The following ATP9B variants were observed in gnomAD, a reference collection of about 807,000 sequenced individuals.
The protein encoded by ATP9B is ATPase phospholipid transporting 9B.
In ATP9B, 110 loss-of-function variants were observed where a neutral mutation model predicts 146.1. The observed-to-expected ratio is 0.75, with a 90% CI of 0.65 to 0.88. The LOEUF is 0.88. ATP9B is among the 40% of genes least tolerant of loss of function. The probability of loss-of-function intolerance (pLI) is 0.00; values close to 1 mark genes in which losing one functional copy is unlikely to be tolerated. For synonymous variants in ATP9B, 604 were observed against 569.7 expected, an observed-to-expected ratio of 1.06 and a Z score of -0.86; for missense variants, 1,499 against 1,496.4, an observed-to-expected ratio of 1.00 and a Z score of -0.03.
intron 6 of ATP9B, among the ~76,000 whole-genome samples, chr18:79,154,041 C>T (rs1421049558): frequency 6.7e-6 from 1 of 149,500 alleles, no homozygotes; most frequent in East Asian, 2.0e-4. Flanking sequence ...TCACTACAAG[C>T]TCTGCCTCCC....
At chr18:79,097,250 G>A (rs2074866494) in intron 2 of ATP9B, among the ~76,000 whole-genome samples, 1 of 151,406 alleles carries the variant, frequency 6.6e-6, no homozygotes, top group Non-Finnish European at 1.5e-5. Context: ...TTTATAAATG[G>A]TTTTTCTTTT....
chr18:79,240,165 C>T (rs1599187528), intron 11 of ATP9B, among the ~76,000 whole-genome samples: 1 of 152,346 alleles, frequency 6.6e-6, no homozygotes, highest in Non-Finnish European at 1.5e-5. Context: ...ATATTCCCCT[C>T]TGTTAAGGGC....
intron 1 of ATP9B, among the ~76,000 whole-genome samples, chr18:79,084,382 A>G (rs1489542990): frequency 6.6e-6 from 1 of 152,048 alleles, no homozygotes; most frequent in African/African-American, 2.4e-5. Context: ...GGTAACTTAA[A>G]ATTTACCATT....
rs557847333 is a variant in ATP9B, at chr18:79,266,238, G to A, written c.1269-10816G>A. 2.8e-3 allele frequency among the ~76,000 whole-genome samples: 432 copies of A among 152,094 alleles called. 2 individuals are homozygous for A. The highest frequency in any genetic ancestry group is 9.3e-3 in the African/African-American group (388 of 41,504). On this transcript the variant is annotated intron_variant, in intron 12 of 29. Coordinates refer to ENST00000426216, the MANE Select transcript of ATP9B (RefSeq NM_198531.5). The stretch of plus-strand genomic sequence containing the variant: ...TACTTGGGATTTTTAAAATGATGTC[G>A]TAAATATCGTTCTTAAAGGAACCAT...
rs142453932 is a variant in ATP9B at position 79,070,377 on chromosome 18, G to A, written c.119+848G>A. Among the ~76,000 whole-genome samples, 221 of 152,332 alleles carry A rather than the reference G, an allele frequency of 1.5e-3. 3 individuals are homozygous for A. The highest frequency in any genetic ancestry group is 5.0e-3 in the African/African-American group (208 of 41,568). On this transcript the variant is annotated intron_variant, in intron 1 of 29. Coordinates refer to ENST00000426216, the MANE Select transcript of ATP9B (RefSeq NM_198531.5). ...GTACATACTGGAATGTTATAACGCT[G>A]ATTTGAGTGTTTACCCACTAGCGAT...
intron 1 of ATP9B, among the ~76,000 whole-genome samples, chr18:79,096,267 C>CT (rs1202700000): frequency 6.6e-6 from 1 of 152,172 alleles, no homozygotes; most frequent in African/African-American, 2.4e-5. Context: ...TTAACAGAGA[C>CT]TTCTTCAGCT....
chr18:79,218,256 T>G (rs867206385), intron 11 of ATP9B, among the ~76,000 whole-genome samples: 2 of 147,224 alleles, frequency 1.4e-5, no homozygotes, highest in Non-Finnish European at 3.0e-5. Context: ...AGCTCCTGCT[T>G]CTTGTCATAT....
intron 1 of ATP9B, among the ~76,000 whole-genome samples, chr18:79,092,133 A>G (rs950049125): frequency 2.0e-5 from 3 of 152,196 alleles, no homozygotes; most frequent in Non-Finnish European, 4.4e-5. Flanking sequence ...GTTCTGAGAA[A>G]TGTTAAATAC....
At chr18:79,151,315 G>T (rs556940254) in intron 6 of ATP9B, among the ~76,000 whole-genome samples, 2 of 152,286 alleles carry the variant, frequency 1.3e-5, no homozygotes, top group East Asian at 3.9e-4. Flanking sequence ...ATTTACCGAG[G>T]TGGGAGTGTG....
intron 1 of ATP9B, among the ~76,000 whole-genome samples, chr18:79,072,683 C>T (rs115721511): frequency 0.13 from 20,142 of 152,036 alleles, 1,943 homozygotes; most frequent in African/African-American, 0.27. Flanking sequence ...TGAGACAAGG[C>T]GGCTGCCGGG....
intron 13 of ATP9B, among the ~76,000 whole-genome samples, chr18:79,291,413 AT>A (rs1303441736): frequency 1.3e-5 from 2 of 152,238 alleles, no homozygotes; most frequent in Admixed American, 1.3e-4. Flanking sequence ...TTGAGGTAAG[AT>A]TTGAAAAATA....
At chr18:79,169,653 T>G (rs565188760) in intron 7 of ATP9B, among the ~76,000 whole-genome samples, 1 of 152,398 alleles carries the variant, frequency 6.6e-6, no homozygotes, top group Admixed American at 6.5e-5. Flanking sequence ...TTATGAATAC[T>G]TAATAGTATT....
intron 7 of ATP9B, chr18:79,173,845 C>G: frequency 2.3e-6 from 1 of 438,586 alleles, no homozygotes; most frequent in Non-Finnish European, 4.5e-6. Context: ...CTTTACCTTT[C>G]TATACACATT....
chr18:79,347,440 C>T (rs1174447732), intron 23 of ATP9B, among the ~76,000 whole-genome samples: 1 of 151,760 alleles, frequency 6.6e-6, no homozygotes. Flanking sequence ...TGTCTTCCGA[C>T]AGGGCGGGCC....
At chr18:79,293,064 GT>G (rs2096522885) in intron 13 of ATP9B, among the ~76,000 whole-genome samples, 1 of 151,496 alleles carries the variant, frequency 6.6e-6, no homozygotes, top group South Asian at 2.1e-4. Context: ...CGGTCATTGG[GT>G]TTTCAACAAG....
intron 1 of ATP9B, among the ~76,000 whole-genome samples, chr18:79,079,167 G>A (rs917578853): frequency 2.0e-5 from 3 of 152,146 alleles, no homozygotes; most frequent in Non-Finnish European, 4.4e-5. Context: ...AATCCTTTGG[G>A]TATATACCCA....
intron 9 of ATP9B, among the ~76,000 whole-genome samples, chr18:79,195,989 C>T (rs1253476667): frequency 6.6e-6 from 1 of 152,088 alleles, no homozygotes; most frequent in Non-Finnish European, 1.5e-5. Context: ...CCAGCATGCA[C>T]GTGAGAAAAC....
chr18:79,157,205 A>AAC (rs1270011005), intron 7 of ATP9B, among the ~76,000 whole-genome samples: 1 of 101,122 alleles, frequency 9.9e-6, no homozygotes, highest in Non-Finnish European at 1.9e-5. Context: ...TACTAAAAAA[A>AAC]ATACACACAC....
chr18:79,374,252 G>A (rs3786181), intron 28 of ATP9B, 151 bp downstream of exon 28: 132,973 of 723,436 alleles, frequency 0.18, 17,641 homozygotes, highest in East Asian at 0.47. Context: ...CCTGCACCAC[G>A]GATGAAGGCG....
Sources: gnomAD v4.1 joint callset for allele counts (sites outside exome capture counted in the v4.1 genomes callset) on GRCh38, gnomAD v4.1.1 for gene constraint, MANE v1.5 for transcripts, NCBI Gene and HGNC (gene_info 2026-07-23, HGNC 2026-07-21) for gene names.